The following DDX10 variants were observed in gnomAD, a reference collection of about 807,000 sequenced individuals.
DDX10 encodes DEAD-box helicase 10.
In DDX10, 74 loss-of-function variants were observed where a neutral mutation model predicts 104.3. The observed-to-expected ratio is 0.71, with a 90% confidence interval of 0.59 to 0.86. DDX10 has a LOEUF of 0.86. Among genes scored for constraint, DDX10 ranks in the 40% least tolerant of loss-of-function variants. The probability of loss-of-function intolerance (pLI) is 0.00; values close to 1 mark genes in which losing one functional copy is unlikely to be tolerated. For missense variants in DDX10, 952 were observed against 1,040.0 expected (o/e 0.92, Z 1.16); for synonymous variants, 351 against 353.4 (o/e 0.99, Z 0.08).
chr11:108,936,501 A>T (rs994922369), intron 17 of DDX10, among the ~76,000 whole-genome samples: 2 of 152,190 alleles, frequency 1.3e-5, no homozygotes, highest in Non-Finnish European at 2.9e-5. Flanking sequence ...AAATGAGAAG[A>T]CATATATAAC....
At chr11:108,743,242 T>A (rs1162005904) in intron 13 of DDX10, among the ~76,000 whole-genome samples, 1 of 152,186 alleles carries the variant, frequency 6.6e-6, no homozygotes, top group Non-Finnish European at 1.5e-5. Flanking sequence ...AATCAATAAA[T>A]GTTATCCATC....
intron 16 of DDX10, among the ~76,000 whole-genome samples, chr11:108,871,281 C>T (rs190768440): frequency 1.3e-5 from 2 of 152,266 alleles, no homozygotes; most frequent in African/African-American, 4.8e-5. Flanking sequence ...TGTACCAAAA[C>T]AACTGTCCTG....
At chr11:108,847,396 G>A (rs1315947215) in intron 15 of DDX10, among the ~76,000 whole-genome samples, 1 of 152,134 alleles carries the variant, frequency 6.6e-6, no homozygotes, top group Non-Finnish European at 1.5e-5. Context: ...GCTGAGAATA[G>A]AGAAAAACAA....
intron 4 of DDX10, 87 bp downstream of exon 4, chr11:108,677,330 C>A (rs934344992): frequency 2.3e-5 from 28 of 1,244,298 alleles, no homozygotes; most frequent in Non-Finnish European, 3.1e-5. Context: ...GCAGAGACTT[C>A]ATCTAAACAG....
intron 13 of DDX10, among the ~76,000 whole-genome samples, chr11:108,745,643 G>A (rs2094331016): frequency 6.6e-6 from 1 of 152,156 alleles, no homozygotes; most frequent in Non-Finnish European, 1.5e-5. Context: ...GTAAATGAAA[G>A]TTAATACAGA....
At chr11:108,736,984 G>C (rs900166601) in intron 13 of DDX10, among the ~76,000 whole-genome samples, 4 of 152,142 alleles carry the variant, frequency 2.6e-5, no homozygotes, top group Non-Finnish European at 5.9e-5. Flanking sequence ...GAAGTGTGTA[G>C]TAAGATGAAT....
chr11:108,733,298 CT>C (rs2094314527), intron 13 of DDX10, among the ~76,000 whole-genome samples: 1 of 152,018 alleles, frequency 6.6e-6, no homozygotes, highest in Non-Finnish European at 1.5e-5. Flanking sequence ...CACTTTTTCT[CT>C]TTCTCTCTTT....
chr11:108,706,750 A>G lies in DDX10; in HGVS notation c.1235A>G (p.Asp412Gly). 2 of 1,613,714 alleles carry G rather than the reference A, an allele frequency of 1.2e-6. No homozygotes were observed. Among genetic ancestry groups the G allele is most frequent in the African/African-American group, 2.7e-5 (2 of 75,040 alleles). The part of the protein sequence containing the change: ...RAGRTARYKE[D>G]GEALLILLPS... The stretch of plus-strand genomic sequence containing the variant: ...TTCTTTTTGTTTAGGTACAAAGAGG[A>G]TGGTGAAGCTTTGCTAATTTTGCTA... Residue 412 changes from aspartate to glycine, a missense_variant, in exon 10 of 18, where the codon GAT (aspartate) becomes GGT (glycine). Transcript: ENST00000322536.
At chr11:108,680,113 A>G (rs527645067) in intron 6 of DDX10, among the ~76,000 whole-genome samples, 1 of 152,326 alleles carries the variant, frequency 6.6e-6, no homozygotes, top group Admixed American at 6.5e-5. Flanking sequence ...AATTCTAGCA[A>G]CTATTGTTTT....
intron 16 of DDX10, among the ~76,000 whole-genome samples, chr11:108,902,782 T>G (rs779454889): frequency 6.6e-6 from 1 of 152,154 alleles, no homozygotes; most frequent in Non-Finnish European, 1.5e-5. Flanking sequence ...TTTTCTCTTA[T>G]TGTGTAACTA....
chr11:108,748,887 A>T (rs1236866259), intron 13 of DDX10, among the ~76,000 whole-genome samples: 1 of 151,870 alleles, frequency 6.6e-6, no homozygotes, highest in East Asian at 1.9e-4. Flanking sequence ...TAAATTTTAA[A>T]ACTTTTCTTT....
intron 13 of DDX10, among the ~76,000 whole-genome samples, chr11:108,817,136 G>T (rs1862266525): frequency 6.6e-6 from 1 of 152,164 alleles, no homozygotes; most frequent in Non-Finnish European, 1.5e-5. Flanking sequence ...ACTTAAATTT[G>T]CAGTTTCCAA....
At chr11:108,693,331 T>C (rs2094255297) in intron 8 of DDX10, among the ~76,000 whole-genome samples, 185 bp from the exon 9 acceptor site, 2 of 152,236 alleles carry the variant, frequency 1.3e-5, no homozygotes, top group Non-Finnish European at 2.9e-5. Flanking sequence ...TTAGTTCATT[T>C]TGTCAAGAGA....
At chr11:108,704,662 A>G (rs745503785) in intron 9 of DDX10, among the ~76,000 whole-genome samples, 7 of 152,172 alleles carry the variant, frequency 4.6e-5, no homozygotes, top group Non-Finnish European at 8.8e-5. Flanking sequence ...CTTTAAATTC[A>G]TAATTTTGTT....
At chr11:108,899,937 A>G (rs1274210848) in intron 16 of DDX10, among the ~76,000 whole-genome samples, 1 of 152,272 alleles carries the variant, frequency 6.6e-6, no homozygotes, top group Middle Eastern at 3.4e-3. Context: ...AACATGGTGA[A>G]ACCTCATCTC....
chr11:108,795,532 C>T (rs907944890), intron 13 of DDX10, among the ~76,000 whole-genome samples: 3 of 135,426 alleles, frequency 2.2e-5, no homozygotes, highest in Admixed American at 8.0e-5. Context: ...TGATGTTGCC[C>T]ACCCTGTGTC....
chr11:108,875,793 G>T (rs12276650), intron 16 of DDX10, among the ~76,000 whole-genome samples: 1,735 of 152,246 alleles, frequency 0.011, 30 homozygotes, highest in African/African-American at 0.039. Context: ...TTTATAAGGA[G>T]GTGGTTACCG....
chr11:108,738,696 T>G (rs1426090665), intron 13 of DDX10, among the ~76,000 whole-genome samples: 1 of 152,188 alleles, frequency 6.6e-6, no homozygotes, highest in Non-Finnish European at 1.5e-5. Context: ...TCAGATTTCT[T>G]TGGCTTTTCT....
Position 108,706,737 on chromosome 11 carries a change from A to G in DDX10, c.1224-2A>G, listed in dbSNP as rs150843730. ...TTAAAGATTTTGTTTCTTTTTGTTTAGGTACAAAGAGGATGGTGAAGCTTT... is the reference window on the plus strand; with the variant it reads ...TTAAAGATTTTGTTTCTTTTTGTTTGGGTACAAAGAGGATGGTGAAGCTTT... On this transcript the variant is annotated splice_acceptor_variant, in intron 9 of 17. Transcript: ENST00000322536. LOFTEE classifies it high-confidence loss of function. The G allele has an allele frequency of 3.7e-6, 6 of 1,611,458 alleles. No individual in the cohort carries two copies. The highest frequency in any genetic ancestry group is 5.1e-6 in the Non-Finnish European group (6 of 1,177,638).
Sources: gnomAD v4.1 joint callset for allele counts (sites outside exome capture counted in the v4.1 genomes callset) on GRCh38, gnomAD v4.1.1 for gene constraint, MANE v1.5 for transcripts, NCBI Gene and HGNC (gene_info 2026-07-23, HGNC 2026-07-21) for gene names.